Variants in NUBPL observed in about 807,000 individuals in gnomAD.
The protein encoded by NUBPL is NUBP iron-sulfur cluster assembly factor, mitochondrial, also known as iron-sulfur cluster transfer protein NUBPL.
Under a neutral mutation model 45.7 loss-of-function variants are expected in NUBPL, and 31 were observed. The ratio of observed to expected loss-of-function variants is 0.68; its 90% CI spans 0.51 to 0.92. The LOEUF (loss-of-function observed/expected upper bound fraction) is 0.92. NUBPL is among the 40% of genes least tolerant of loss of function. The probability of loss-of-function intolerance (pLI) is 0.00; values close to 1 mark genes in which losing one functional copy is unlikely to be tolerated. For missense variants in NUBPL, 401 were observed against 398.7 expected, an observed-to-expected ratio of 1.01 and a Z score of -0.05; for synonymous variants, 144 against 140.9, an observed-to-expected ratio of 1.02 and a Z score of -0.15.
intron 6 of NUBPL, among the ~76,000 whole-genome samples, chr14:31,783,865 AAT>A (rs1368106964): frequency 6.6e-6 from 1 of 152,176 alleles, no homozygotes; most frequent in African/African-American, 2.4e-5. Context: ...TAACATGATA[AAT>A]ATGAGTAAGT....
intron 6 of NUBPL, among the ~76,000 whole-genome samples, chr14:31,694,521 CATTT>C (rs2037171034): frequency 2.0e-5 from 3 of 152,042 alleles, no homozygotes; most frequent in African/African-American, 7.2e-5. Context: ...TACATACATA[CATTT>C]ATTTATTTAT....
At chr14:31,638,145 T>G (rs1050812857) in intron 4 of NUBPL, among the ~76,000 whole-genome samples, 3 of 152,178 alleles carry the variant, frequency 2.0e-5, no homozygotes, top group African/African-American at 7.2e-5. Flanking sequence ...TGTTAGCTGC[T>G]TATTTTGCTT....
chr14:31,575,380 T>C (rs1165055682), intron 3 of NUBPL, among the ~76,000 whole-genome samples: 1 of 152,226 alleles, frequency 6.6e-6, no homozygotes, highest in African/African-American at 2.4e-5. Flanking sequence ...TGGGCTTGAT[T>C]CTGGCTCTGC....
At chr14:31,601,803 A>G (rs1290681207) in intron 4 of NUBPL, among the ~76,000 whole-genome samples, 5 of 152,174 alleles carry the variant, frequency 3.3e-5, no homozygotes, top group African/African-American at 4.8e-5. Flanking sequence ...ACTGTAAACT[A>G]GTTCAACCAT....
At position 31,811,669 on chromosome 14, in the gene NUBPL, G is replaced by T. The variant is rs578157123; in HGVS notation, c.608-14960G>T. ...CCTGCTTTGTTCCGTTGCTGGTGAG[G>T]AGTTGTGATCCTTTGGAGGAGAAGG... On this transcript the variant is annotated intron_variant, in intron 7 of 10. Transcript: ENST00000281081. 1.5e-4 allele frequency among the ~76,000 whole-genome samples: 23 copies of T among 152,262 alleles called. 1 individual carries two copies. In the South Asian group the frequency reaches 4.4e-3, roughly 29 times the overall value.
chr14:31,711,292 T>C (rs1001543132), intron 6 of NUBPL, among the ~76,000 whole-genome samples: 1 of 152,114 alleles, frequency 6.6e-6, no homozygotes, highest in Non-Finnish European at 1.5e-5. Context: ...AGTCAGGGGA[T>C]GTTAGAGAGC....
chr14:31,783,515 CT>C (rs71430995), intron 6 of NUBPL, among the ~76,000 whole-genome samples: 1,311 of 129,182 alleles, frequency 0.01, 18 homozygotes, highest in African/African-American at 0.029. Flanking sequence ...AATAGCAGTT[CT>C]TTTTTTTTTT....
intron 8 of NUBPL, among the ~76,000 whole-genome samples, chr14:31,836,913 T>C (rs1185977043): frequency 1.3e-5 from 2 of 152,302 alleles, no homozygotes; most frequent in Non-Finnish European, 1.5e-5. Context: ...TATATAACTG[T>C]TGTATGAGCT....
At chr14:31,605,828 G>A (rs889790581) in intron 4 of NUBPL, among the ~76,000 whole-genome samples, 15 of 105,300 alleles carry the variant, frequency 1.4e-4, no homozygotes, top group South Asian at 8.9e-4. Context: ...CTCCTTTCTC[G>A]TCTCCTCCTT....
intron 7 of NUBPL, among the ~76,000 whole-genome samples, chr14:31,815,570 A>T (rs768525999): frequency 6.6e-6 from 1 of 152,024 alleles, no homozygotes; most frequent in South Asian, 2.1e-4. Flanking sequence ...TTCCAATACT[A>T]TTTTGAATAG....
At chr14:31,666,259 A>ATT (rs374687192) in intron 4 of NUBPL, among the ~76,000 whole-genome samples, 3,847 of 19,286 alleles carry the variant, frequency 0.2, 451 homozygotes, top group Non-Finnish European at 0.26. Context: ...ATATATATAT[A>ATT]TATAATTTTA....
chr14:31,692,743 C>T (rs1053918332), intron 6 of NUBPL, among the ~76,000 whole-genome samples: 2 of 152,138 alleles, frequency 1.3e-5, no homozygotes, highest in Non-Finnish European at 2.9e-5. Context: ...TTTTGGTTTC[C>T]TAAAGAATTT....
intron 6 of NUBPL, among the ~76,000 whole-genome samples, chr14:31,725,929 C>G (rs532016739): frequency 6.6e-6 from 1 of 152,054 alleles, no homozygotes; most frequent in East Asian, 1.9e-4. Flanking sequence ...AGGATGGTCT[C>G]GAACTCCTGA....
intron 6 of NUBPL, among the ~76,000 whole-genome samples, chr14:31,737,054 T>C (rs1018400693): frequency 3.3e-5 from 5 of 150,214 alleles, no homozygotes; most frequent in African/African-American, 1.2e-4. Flanking sequence ...ATTCATGATA[T>C]ATTTTGGATA....
chr14:31,623,388 G>A (rs2035119274), intron 4 of NUBPL, among the ~76,000 whole-genome samples: 1 of 152,204 alleles, frequency 6.6e-6, no homozygotes, highest in African/African-American at 2.4e-5. Context: ...GGACTGTTAG[G>A]AAGGCATGAT....
chr14:31,759,897 A>G (rs1177297209), intron 6 of NUBPL, among the ~76,000 whole-genome samples: 2 of 151,206 alleles, frequency 1.3e-5, no homozygotes, highest in Non-Finnish European at 2.9e-5. Flanking sequence ...TGTTCTGAGC[A>G]TGTTTAAGGA....
chr14:31,756,640 C>T (rs201327164), intron 6 of NUBPL, among the ~76,000 whole-genome samples: 43,307 of 146,808 alleles, frequency 0.29, 7,217 homozygotes, highest in South Asian at 0.41. Context: ...ATCATGTCGT[C>T]TGCAAACAGG....
intron 6 of NUBPL, among the ~76,000 whole-genome samples, chr14:31,786,577 G>T (rs1011628408): frequency 6.6e-6 from 1 of 152,210 alleles, no homozygotes; most frequent in Non-Finnish European, 1.5e-5. Flanking sequence ...TGTAACTTCT[G>T]TGAGGGCAGG....
At chr14:31,780,606 TTAAAAA>T (rs569453630) in intron 6 of NUBPL, among the ~76,000 whole-genome samples, 43 of 152,004 alleles carry the variant, frequency 2.8e-4, no homozygotes, top group East Asian at 2.7e-3. Flanking sequence ...CGATTAAGAC[TTAAAAA>T]TAAAGTCTTA....
Sources: allele counts gnomAD v4.1 joint callset (sites outside exome capture counted in the v4.1 genomes callset), GRCh38; gene constraint gnomAD v4.1.1; transcripts MANE v1.5; gene names NCBI Gene and HGNC (gene_info 2026-07-23, HGNC 2026-07-21).